Variants in PPWD1 observed in about 807,000 individuals in gnomAD.
PPWD1 encodes the protein peptidylprolyl isomerase domain and WD repeat containing 1, also known as peptidylprolyl isomerase domain and WD repeat-containing protein 1.
Under a neutral mutation model 68.8 loss-of-function variants are expected in PPWD1, and 43 were observed. The observed-to-expected ratio is 0.62, with a 90% CI of 0.49 to 0.81. The LOEUF (loss-of-function observed/expected upper bound fraction) is 0.81, where lower values mean the gene tolerates loss of function less well. Ranked by LOEUF, PPWD1 falls within the 30% of genes least tolerant of loss-of-function variation. The probability of loss-of-function intolerance (pLI) is 0.00; values close to 1 mark genes in which losing one functional copy is unlikely to be tolerated. For synonymous variants in PPWD1, 232 were observed against 258.7 expected, an observed-to-expected ratio of 0.90 and a Z score of 0.99; for missense variants, 672 against 804.8, an observed-to-expected ratio of 0.83 and a Z score of 2.00.
At chr5:65,566,679 C>T (rs1316480321) in intron 1 of PPWD1, among the ~76,000 whole-genome samples, 1 of 151,780 alleles carries the variant, frequency 6.6e-6, no homozygotes, top group African/African-American at 2.4e-5. Flanking sequence ...ATTTGGGATA[C>T]ATATAATTCT....
Position 65,577,007 on chromosome 5 carries a change from T to C in PPWD1, c.1098T>C (p.Thr366=). 1 of 1,614,188 alleles carries C rather than the reference T, an allele frequency of 6.2e-7. No individual in the cohort carries two copies. Among genetic ancestry groups the C allele is most frequent in the Non-Finnish European group, 8.5e-7 (1 of 1,180,014 alleles). The change falls in exon 6 of 11, where the codon ACT becomes ACC. Residue 366 remains threonine, a synonymous_variant. Coordinates refer to ENST00000261308, the MANE Select transcript of PPWD1 (RefSeq NM_015342.4). ...TAATTAATATAGTTTTTGATGAAAC[T>C]GGACACTTCGTGCTGTATGGAACAA... ...VRLINIVFDE[T]GHFVLYGTML... is the part of the protein sequence containing the mutation.
chr5:65,581,697 T>A (rs1050422135), intron 7 of PPWD1, among the ~76,000 whole-genome samples: 4 of 152,250 alleles, frequency 2.6e-5, no homozygotes, highest in Admixed American at 2.6e-4. Context: ...CCAAGTTTAC[T>A]TGTGTGTTGA....
rs761494524 is a variant in PPWD1, at chr5:65,569,888, G to C, written c.411G>C (p.Glu137Asp). 6.3e-7 allele frequency: 1 copy of C among 1,598,346 alleles called. No homozygotes were observed. The highest frequency in any genetic ancestry group is 2.2e-5 in the East Asian group (1 of 44,656). Residue 137 changes from glutamate to aspartate, a missense_variant, in exon 4 of 11, where the codon GAG becomes GAC. Physicochemically the swap from Glu to Asp is conservative, Grantham distance 45. Around this residue, in one of 2 missense-constraint regions of PPWD1, gnomAD observed 484 missense variants for 646.2 expected, o/e 0.75. Transcript: ENST00000261308. ...KHFRSHLGVI[E>D]SIAVSSEGAL... ...CATTTATTGAAATAGGAGTTATTGA[G>C]AGTATTGCAGTTAGCTCTGAGGGAG...
Position 65,583,042 on chromosome 5 carries a change from C to A in PPWD1, c.1355C>A (p.Thr452Asn). Residue 452 changes from threonine to asparagine, a missense_variant, in exon 8 of 11, where the codon ACC becomes AAC. Thr to Asn is a moderately conservative substitution (Grantham distance 65). Around this residue, in one of 2 missense-constraint regions of PPWD1, gnomAD observed 484 missense variants for 646.2 expected, o/e 0.75. Transcript: ENST00000261308. ...SFKKNRFYMF[T>N]KREPEDTKSA... is the part of the protein sequence containing the mutation. ...CTTTTTACTTTCCTCCTTGAGTTTA[C>A]CAAACGAGAACCAGAAGATACGAAA... The A allele has an allele frequency of 6.4e-7, 1 of 1,567,308 alleles. No individual in the cohort carries two copies. Among genetic ancestry groups the A allele is most frequent in the Non-Finnish European group, 8.6e-7 (1 of 1,156,648 alleles).
At chr5:65,571,399 G>GTCATAAT (rs1341953004) in intron 4 of PPWD1, among the ~76,000 whole-genome samples, 1 of 152,024 alleles carries the variant, frequency 6.6e-6, no homozygotes, top group East Asian at 1.9e-4. Flanking sequence ...TTGACGTATT[G>GTCATAAT]TCATAATAAA....
chr5:65,565,768 A>G (rs1671667517), intron 1 of PPWD1, among the ~76,000 whole-genome samples: 1 of 146,432 alleles, frequency 6.8e-6, no homozygotes, highest in South Asian at 2.2e-4. Context: ...AGATTGTGCC[A>G]CTGTACTTCA....
intron 1 of PPWD1, among the ~76,000 whole-genome samples, chr5:65,566,435 T>C (rs112168183): frequency 1.1e-4 from 17 of 152,310 alleles, no homozygotes; most frequent in African/African-American, 4.1e-4. Flanking sequence ...TTTTCAAGAC[T>C]TCCTGTGACA....
chr5:65,587,473 C>A lies in PPWD1; in HGVS notation c.*77C>A. 8.7e-7 allele frequency: 1 copy of A among 1,153,656 alleles called. No individual in the cohort carries two copies. The highest frequency in any genetic ancestry group is 1.2e-6 in the Non-Finnish European group (1 of 844,382). The allele number at this position is 1,153,656 out of a possible 1,614,324, so 71.5% of individuals were successfully genotyped here. ...TTATTTTACATTAGGAAGCTTAGGACTTGCTGAATATACAGATCATGTTTC... is the reference window on the plus strand; with the variant it reads ...TTATTTTACATTAGGAAGCTTAGGAATTGCTGAATATACAGATCATGTTTC... On this transcript the variant is annotated 3_prime_UTR_variant, in exon 11 of 11. Transcript: ENST00000261308.
intron 1 of PPWD1, among the ~76,000 whole-genome samples, chr5:65,564,803 C>T (rs1752639892): frequency 6.6e-6 from 1 of 152,140 alleles, no homozygotes; most frequent in South Asian, 2.1e-4. Context: ...TGGATTCCTA[C>T]CCAGATATGG....
intron 5 of PPWD1, among the ~76,000 whole-genome samples, 171 bp downstream of exon 5, chr5:65,572,457 T>C (rs547173896): frequency 3.9e-5 from 6 of 152,312 alleles, no homozygotes; most frequent in African/African-American, 1.4e-4. Flanking sequence ...TCTTTGAAAG[T>C]CTCTTCTCTA....
chr5:65,565,973 C>T (rs963913142), intron 1 of PPWD1, among the ~76,000 whole-genome samples: 2 of 152,118 alleles, frequency 1.3e-5, no homozygotes, highest in African/African-American at 4.8e-5. Flanking sequence ...TTAACATGTT[C>T]TTTGGACATT....
intron 8 of PPWD1, chr5:65,584,810 A>G (rs1405614677): frequency 1.0e-5 from 3 of 298,962 alleles, no homozygotes; most frequent in Admixed American, 1.3e-4. Context: ...TCTAAAGATA[A>G]CTAAGTTGAA....
chr5:65,571,380 T>C (rs1752999280), intron 4 of PPWD1, among the ~76,000 whole-genome samples: 1 of 152,196 alleles, frequency 6.6e-6, no homozygotes, highest in Admixed American at 6.5e-5. Context: ...TTTAGGACAG[T>C]GTTTTTCTTT....
chr5:65,570,123 G>C, intron 4 of PPWD1, 125 bp downstream of exon 4: 2 of 1,211,630 alleles, frequency 1.7e-6, no homozygotes, highest in African/African-American at 1.5e-5. Context: ...GTGCTGTTGG[G>C]TTTTGCTTGG....
Position 65,570,071 on chromosome 5 carries a change from G to A in PPWD1, c.521+73G>A, listed in dbSNP as rs1655548300. 20 of 1,381,006 alleles carry A rather than the reference G, an allele frequency of 1.4e-5. No homozygotes were observed. The East Asian group carries it at 4.8e-4, about 33-fold the overall frequency. The allele number at this position is 1,381,006 out of a possible 1,614,324, so 85.5% of individuals were successfully genotyped here. ...GTAAATCAGACTTTACCATTTAATA[G>A]GTTATTTCTAAATAGTATATTACCA... On this transcript the variant is annotated intron_variant, in intron 4 of 10. Transcript: ENST00000261308.
intron 8 of PPWD1, 152 bp from the exon 9 acceptor site, chr5:65,584,862 T>G: frequency 3.4e-6 from 4 of 1,193,794 alleles, no homozygotes; most frequent in Non-Finnish European, 4.4e-6. Flanking sequence ...GTGCTTGTCC[T>G]GAGATTAGAG....
intron 10 of PPWD1, among the ~76,000 whole-genome samples, chr5:65,586,822 AG>A (rs1753872067): frequency 6.6e-6 from 1 of 152,158 alleles, no homozygotes; most frequent in African/African-American, 2.4e-5. Flanking sequence ...ACTTGCCAAA[AG>A]GTCAAGTAGC....
chr5:65,578,784 G>GTATA lies in PPWD1; in HGVS notation c.1161-631_1161-628dup, dbSNP rs372704895. On this transcript the variant is annotated intron_variant, in intron 6 of 10. Coordinates refer to ENST00000261308, the MANE Select transcript of PPWD1 (RefSeq NM_015342.4). ...TGTATATATATATACATATATATGT[G>GTATA]TATATATATATACATATATATGTGT... is the stretch of plus-strand genomic sequence containing the variant. Among the ~76,000 whole-genome samples the GTATA allele has an allele frequency of 5.3e-3, 724 of 135,372 alleles. 11 individuals carry two copies. The highest frequency in any genetic ancestry group is 0.018 in the African/African-American group (638 of 35,910). 88.8% of individuals were successfully genotyped at this position (135,372 alleles called of 152,430 possible). A position where few individuals can be genotyped will look rare whatever the true frequency, so the allele number is the denominator to read the frequency against.
chr5:65,578,041 T>C (rs1367757341), intron 6 of PPWD1, among the ~76,000 whole-genome samples: 1 of 152,262 alleles, frequency 6.6e-6, no homozygotes, highest in Non-Finnish European at 1.5e-5. Flanking sequence ...ACCACTGATC[T>C]TTTCACCATC....
Sources: allele counts gnomAD v4.1 joint callset (sites outside exome capture counted in the v4.1 genomes callset), GRCh38; gene constraint gnomAD v4.1.1; regional missense constraint gnomAD v4.1.1; transcripts MANE v1.5; gene names NCBI Gene and HGNC (gene_info 2026-07-23, HGNC 2026-07-21).